PARP16: variants seen among roughly 807,000 people sequenced by gnomAD.
The protein encoded by PARP16 is poly(ADP-ribose) polymerase family member 16, also known as protein mono-ADP-ribosyltransferase PARP16.
In PARP16, 31 loss-of-function variants were observed where a neutral mutation model predicts 35.0. That is an observed-to-expected ratio of 0.88 (90% confidence interval 0.66 to 1.19). PARP16 has a LOEUF of 1.19. Ranked by LOEUF, PARP16 falls within the 50% of genes most tolerant of loss-of-function variation. PARP16 has a pLI of 0.00. For missense variants in PARP16, 424 were observed against 411.2 expected (o/e 1.03, Z -0.27); for synonymous variants, 162 against 169.5 (o/e 0.96, Z 0.34).
chr15:65,240,312 T>TGG lies in PARP16; in HGVS notation c.*98-5491_*98-5490dup, dbSNP rs1183574054. On this transcript the variant is annotated intron_variant and NMD_transcript_variant, in intron 3 of 3. Transcript: ENST00000559805. The stretch of plus-strand genomic sequence containing the variant: ...GCCTGGCTAGTGTGTGTGTGTGTGG[T>TGG]GGGGGGGGCTAGTGTGTGTGTGTGT... Among the ~76,000 whole-genome samples the TGG allele has an allele frequency of 7.5e-4, 77 of 102,248 alleles. 2 individuals carry two copies. The highest frequency in any genetic ancestry group is 2.7e-3 in the South Asian group (8 of 3,016). 67.1% of individuals were successfully genotyped at this position (102,248 alleles called of 152,430 possible).
intron 1 of PARP16, among the ~76,000 whole-genome samples, chr15:65,284,301 T>C (rs1164443473): frequency 1.3e-5 from 2 of 151,886 alleles, no homozygotes; most frequent in African/African-American, 4.8e-5. Flanking sequence ...ATTTTTGCAT[T>C]CATACTCATG....
intron 1 of PARP16, among the ~76,000 whole-genome samples, chr15:65,277,438 C>A (rs928893468): frequency 3.3e-5 from 5 of 152,214 alleles, no homozygotes; most frequent in Non-Finnish European, 7.3e-5. Flanking sequence ...CAGCCTGGAA[C>A]CTGGCATGAA....
At chr15:65,271,095 A>G (rs2090079732) in intron 1 of PARP16, 23 bp from the exon 2 acceptor site, 1 of 1,613,730 alleles carries the variant, frequency 6.2e-7, no homozygotes, top group South Asian at 1.1e-5. Context: ...AAGAACTTCC[A>G]TTAGCAAGGA....
Position 65,260,811 on chromosome 15 carries a change from G to A in PARP16, c.833+74C>T, listed in dbSNP as rs1378471679. On this transcript the variant is annotated intron_variant, in intron 5 of 5. Coordinates refer to ENST00000649807, the MANE Select transcript of PARP16 (RefSeq NM_001316943.2). ...AGCGGAGGTCTAAGGCTGGGGGAGG[G>A]GAGGCTGATACCTACAACAACTAAG... 2.2e-6 allele frequency: 3 copies of A among 1,393,888 alleles called. No individual in the cohort carries two copies. The African/African-American group carries it at 4.3e-5, about 20-fold the overall frequency. The allele number at this position is 1,393,888 out of a possible 1,614,324, so 86.3% of individuals were successfully genotyped here. A position where few individuals can be genotyped will look rare whatever the true frequency, so the allele number is the denominator to read the frequency against.
intron 3 of PARP16, among the ~76,000 whole-genome samples, chr15:65,236,249 C>G (rs532454935): frequency 6.6e-6 from 1 of 152,274 alleles, no homozygotes; most frequent in Admixed American, 6.5e-5. Flanking sequence ...TACTACAAAC[C>G]CTGTGGTGCT....
chr15:65,263,341 G>A (rs1410440592), intron 3 of PARP16, 21 bp from the exon 4 acceptor site: 3 of 1,547,888 alleles, frequency 1.9e-6, no homozygotes, highest in Non-Finnish European at 2.6e-6. Flanking sequence ...AAGGCCAATG[G>A]AAAAGAAACA....
downstream of PARP16, among the ~76,000 whole-genome samples, chr15:65,232,642 C>A (rs1339880981): frequency 6.6e-6 from 1 of 152,104 alleles, no homozygotes; most frequent in Non-Finnish European, 1.5e-5. Flanking sequence ...GTGGCTCACA[C>A]CTATAATCCC....
At chr15:65,275,520 T>G (rs2090228371) in intron 1 of PARP16, among the ~76,000 whole-genome samples, 1 of 152,160 alleles carries the variant, frequency 6.6e-6, no homozygotes, top group African/African-American at 2.4e-5. Context: ...AGGAAAGTAT[T>G]AAGTACTCTA....
intron 1 of PARP16, among the ~76,000 whole-genome samples, chr15:65,273,222 G>A (rs1041691798): frequency 7.1e-6 from 1 of 141,254 alleles, no homozygotes; most frequent in African/African-American, 2.6e-5. Context: ...AGGTTGCAGT[G>A]AGCCAAGATG....
intron 2 of PARP16, among the ~76,000 whole-genome samples, chr15:65,251,903 T>C (rs1208983251): frequency 1.3e-5 from 2 of 152,142 alleles, no homozygotes; most frequent in Non-Finnish European, 2.9e-5. Context: ...TAGCTGGGAC[T>C]ACAGGCGCCC....
Position 65,263,313 on chromosome 15 carries a change from A to G in PARP16, c.527T>C (p.Leu176Ser). The change falls in exon 4 of 6, where the codon TTG becomes TCG. Residue 176 changes from leucine (L) to serine (S), a missense_variant. Transcript: ENST00000649807. ...GLHCHLNKTSLFGEGTYLTSD... is the reference protein window; with the variant it reads ...GLHCHLNKTSSFGEGTYLTSD... ...GGTGAGGTAGGTCCCCTCTCCGAACAAGGATGTCTGCAACAGCAAGGCCAA... is the reference window on the plus strand; with the variant it reads ...GGTGAGGTAGGTCCCCTCTCCGAACGAGGATGTCTGCAACAGCAAGGCCAA... 1 of 1,584,642 alleles carries G rather than the reference A, an allele frequency of 6.3e-7. No individual in the cohort carries two copies. The highest frequency in any genetic ancestry group is 2.3e-5 in the East Asian group (1 of 44,310).
chr15:65,280,340 C>T (rs974331677), intron 1 of PARP16, among the ~76,000 whole-genome samples: 1 of 150,012 alleles, frequency 6.7e-6, no homozygotes, highest in Non-Finnish European at 1.5e-5. Context: ...GGGAGGCTGA[C>T]GTAGGAGGAT....
intron 3 of PARP16, among the ~76,000 whole-genome samples, chr15:65,239,463 GA>G (rs1316505495): frequency 6.5e-4 from 37 of 56,684 alleles, no homozygotes; most frequent in East Asian, 1.2e-3. Flanking sequence ...AGAGAGAAAA[GA>G]AAAAAAAAAG....
At chr15:65,262,273 C>T (rs1232631911) in intron 4 of PARP16, among the ~76,000 whole-genome samples, 2 of 152,024 alleles carry the variant, frequency 1.3e-5, no homozygotes, top group African/African-American at 4.8e-5. Flanking sequence ...GCTGGGACCA[C>T]AGGCACACGC....
At chr15:65,260,005 GC>G (rs2089649515) in intron 5 of PARP16, among the ~76,000 whole-genome samples, 1 of 152,204 alleles carries the variant, frequency 6.6e-6, no homozygotes, top group African/African-American at 2.4e-5. Context: ...CTAAAGAGAT[GC>G]TCCAGGGAGA....
At chr15:65,239,453 A>AAAAAAAG (rs2088982812) in intron 3 of PARP16, among the ~76,000 whole-genome samples, 1 of 100,156 alleles carries the variant, frequency 1.0e-5, no homozygotes, top group African/African-American at 3.6e-5. Context: ...AAAAAAAAAA[A>AAAAAAAG]GAGAGAAAAG....
intron 1 of PARP16, among the ~76,000 whole-genome samples, chr15:65,282,164 C>T (rs1480299519): frequency 6.6e-6 from 1 of 152,144 alleles, no homozygotes; most frequent in Admixed American, 6.5e-5. Context: ...GCGTGCACCA[C>T]CACACAGGCT....
At chr15:65,258,071 C>T (rs890874207), downstream of PARP16, 4 of 152,184 alleles carry the variant, frequency 2.6e-5, no homozygotes, top group African/African-American at 9.7e-5. Context: ...CACACTAAGG[C>T]TAAAAGCACT....
downstream of PARP16, among the ~76,000 whole-genome samples, chr15:65,257,011 G>A (rs2089532710): frequency 6.6e-6 from 1 of 152,242 alleles, no homozygotes. Context: ...CTCTGGCACT[G>A]GCTGGACATA....
Sources: gnomAD v4.1 joint callset for allele counts (sites outside exome capture counted in the v4.1 genomes callset) on GRCh38, gnomAD v4.1.1 for gene constraint, MANE v1.5 for transcripts, NCBI Gene and HGNC (gene_info 2026-07-23, HGNC 2026-07-21) for gene names.